ACIN1: variants seen among roughly 807,000 people sequenced by gnomAD.
ACIN1 encodes apoptotic chromatin condensation inducer 1.
ACIN1 carries 16 observed loss-of-function variants against 146.6 expected under a neutral mutation model. That is an observed-to-expected ratio of 0.11 (90% CI 0.07 to 0.17). The LOEUF is 0.17. Among genes scored for constraint, ACIN1 ranks in the 10% least tolerant of loss-of-function variants. The probability of loss-of-function intolerance (pLI) is 1.00; values close to 1 mark genes in which losing one functional copy is unlikely to be tolerated. For missense variants in ACIN1, 1,357 were observed against 1,609.3 expected (o/e 0.84, Z 2.68); for synonymous variants, 569 against 582.7 (o/e 0.98, Z 0.34).
Position 23,068,464 on chromosome 14 carries a change from C to T in ACIN1, c.2265+1012G>A, listed in dbSNP as rs2047524587. Reference sequence around the variant, plus strand: ...TCCAGAACAGTGTTCTTCTTGGCCCCCTGATGTAAGCAAGACAGGGAGGCA... The same window carrying T: ...TCCAGAACAGTGTTCTTCTTGGCCCTCTGATGTAAGCAAGACAGGGAGGCA... On this transcript the variant is annotated intron_variant, in intron 9 of 18. Coordinates refer to ENST00000605057, the MANE Select transcript of ACIN1 (RefSeq NM_001386863.1). This position sits in a 1 kb window ranked among gnomAD's most constrained non-coding sequence, Gnocchi z 4.3. 1 of 985,866 alleles carries T rather than the reference C, an allele frequency of 1.0e-6. No homozygotes were observed. The highest frequency in any genetic ancestry group is 1.2e-6 in the Non-Finnish European group (1 of 829,960). 61.1% of individuals were successfully genotyped at this position (985,866 alleles called of 1,614,324 possible). A position where few individuals can be genotyped will look rare whatever the true frequency, so the allele number is the denominator to read the frequency against.
At chr14:23,090,769 T>C in intron 2 of ACIN1, 136 bp from the exon 3 acceptor site, 1 of 600,124 alleles carries the variant, frequency 1.7e-6, no homozygotes, top group East Asian at 2.8e-5. Context: ...AAGGCTTTTT[T>C]CTAAGTTAGT....
chr14:23,084,149 G>A (rs749831825), intron 4 of ACIN1, among the ~76,000 whole-genome samples: 3 of 152,082 alleles, frequency 2.0e-5, no homozygotes, highest in Non-Finnish European at 2.9e-5. Context: ...GTTTTGCCAC[G>A]TTGGCCAGGC....
chr14:23,072,678 G>A (rs575145404), intron 8 of ACIN1, among the ~76,000 whole-genome samples: 68 of 152,312 alleles, frequency 4.5e-4, no homozygotes, highest in Admixed American at 7.8e-4. Flanking sequence ...TCAGTGTCTC[G>A]TGTAACATTT....
Position 23,064,394 on chromosome 14 carries a change from C to G in ACIN1, c.2403G>C (p.Gln801His). 1.9e-6 allele frequency: 3 copies of G among 1,614,276 alleles called. No homozygotes were observed. Among genetic ancestry groups the G allele is most frequent in the Non-Finnish European group, 2.5e-6 (3 of 1,180,054 alleles). The change falls in exon 11 of 19, where the codon CAG (glutamine) becomes CAC (histidine). Residue 801 changes from glutamine to histidine, a missense_variant. Physicochemically the swap from Gln to His is conservative, Grantham distance 24. Transcript: ENST00000605057. ...TGGTGATACTGATGGAAGGTTTCTT[C>G]TGTGTGGTGGCTGTGCTGGCTCCCC... ...RRWGASTATTQKKPSISITTE... is the reference protein window; with the variant it reads ...RRWGASTATTHKKPSISITTE...
intron 8 of ACIN1, among the ~76,000 whole-genome samples, chr14:23,075,709 ATT>A (rs763083144): frequency 1.4e-5 from 2 of 144,830 alleles, no homozygotes; most frequent in African/African-American, 2.5e-5. Context: ...GGTCTTTTCC[ATT>A]TTTTTTTTTT....
intron 8 of ACIN1, 35 bp from the exon 9 acceptor site, chr14:23,069,652 G>GGGGGGGGGGGGGCCGGC: frequency 6.9e-6 from 4 of 577,974 alleles, no homozygotes; most frequent in South Asian, 1.5e-5. Flanking sequence ...GGGGGGGCGG[G>GGGGGGGGGGGGGCCGGC]CAGAAAAGAA....
chr14:23,083,127 T>A (rs1232978874), intron 4 of ACIN1, among the ~76,000 whole-genome samples: 1 of 151,596 alleles, frequency 6.6e-6, no homozygotes, highest in African/African-American at 2.4e-5. Context: ...GAACAATAAA[T>A]CCATGTAAAA....
At chr14:23,090,294 A>T (rs1459108258) in intron 3 of ACIN1, among the ~76,000 whole-genome samples, 193 bp from the exon 4 acceptor site, 1 of 152,090 alleles carries the variant, frequency 6.6e-6, no homozygotes, top group African/African-American at 2.4e-5. Context: ...TTTACTTATA[A>T]CTCTTCCTGT....
intron 3 of ACIN1, 69 bp from the exon 4 acceptor site, chr14:23,090,170 A>C: frequency 1.3e-6 from 2 of 1,555,022 alleles, no homozygotes; most frequent in South Asian, 2.4e-5. Flanking sequence ...TATGTAGAGG[A>C]GTGAAGGAGG....
chr14:23,091,359 G>A (rs2048221404), intron 2 of ACIN1, among the ~76,000 whole-genome samples: 2 of 151,998 alleles, frequency 1.3e-5, no homozygotes, highest in African/African-American at 4.8e-5. Context: ...AGTACTTTGG[G>A]AGGCTGAAGT....
chr14:23,095,236 CAG>C (rs778741839), upstream of ACIN1: 5 of 1,611,144 alleles, frequency 3.1e-6, no homozygotes, highest in Middle Eastern at 1.6e-4. Flanking sequence ...GATTACCACT[CAG>C]AACTCCCCGG....
chr14:23,062,967 G>T lies in ACIN1; in HGVS notation c.2845C>A (p.Arg949=). 6.2e-7 allele frequency: 1 copy of T among 1,611,984 alleles called. No homozygotes were observed. Among genetic ancestry groups the T allele is most frequent in the Non-Finnish European group, 8.5e-7 (1 of 1,179,408 alleles). ...VRTAQVPSPP[R]GKISNIVHIS... ...TGGACAATGTTGCTAATCTTGCCCC[G>T]GGGTGGGGAGGGCACCTGGGCAGTT... Residue 949 remains arginine, a synonymous_variant, in exon 14 of 19, where the codon CGG becomes AGG. Transcript: ENST00000605057.
intron 4 of ACIN1, among the ~76,000 whole-genome samples, chr14:23,085,825 A>C (rs543938964): frequency 6.6e-6 from 1 of 152,330 alleles, no homozygotes; most frequent in African/African-American, 2.4e-5. Flanking sequence ...GCTTTAGCTA[A>C]GGGTGGAGCT....
At chr14:23,062,313 G>A in intron 15 of ACIN1, 38 bp from the exon 16 acceptor site, 1 of 1,595,148 alleles carries the variant, frequency 6.3e-7, no homozygotes, top group African/African-American at 1.3e-5. Context: ...GTCACAGTGT[G>A]TCTGCAACCC....
chr14:23,068,431 C>G lies in ACIN1; in HGVS notation c.2265+1045G>C. On this transcript the variant is annotated intron_variant, in intron 9 of 18. Transcript: ENST00000605057. The surrounding 1 kb of genome is among the most constrained non-coding windows in gnomAD (Gnocchi z 4.3). Reference sequence around the variant, plus strand: ...CCAAATGTTTTTTGCTTGCTCAATACAAGTCTCTCCAGAACAGTGTTCTTC... The same window carrying G: ...CCAAATGTTTTTTGCTTGCTCAATAGAAGTCTCTCCAGAACAGTGTTCTTC... 2 of 985,942 alleles carry G rather than the reference C, an allele frequency of 2.0e-6. No homozygotes were observed. The highest frequency in any genetic ancestry group is 9.4e-5 in the South Asian group (2 of 21,290). The allele number at this position is 985,942 out of a possible 1,614,324, so 61.1% of individuals were successfully genotyped here. A position where few individuals can be genotyped will look rare whatever the true frequency, so the allele number is the denominator to read the frequency against.
intron 1 of ACIN1, chr14:23,094,655 A>G: frequency 1.3e-6 from 1 of 791,962 alleles, no homozygotes; most frequent in Non-Finnish European, 1.8e-6. Flanking sequence ...GTGGGATTTA[A>G]CTCCTTCTGC....
upstream of ACIN1, chr14:23,095,324 C>T (rs1275515027): frequency 2.6e-6 from 4 of 1,559,750 alleles, no homozygotes; most frequent in South Asian, 3.5e-5. Context: ...CCTGCAGCGC[C>T]CCTTTTCTCG....
chr14:23,066,713 A>G (rs2047468665), intron 9 of ACIN1, among the ~76,000 whole-genome samples: 1 of 152,196 alleles, frequency 6.6e-6, no homozygotes, highest in African/African-American at 2.4e-5. Flanking sequence ...GATTGTCCCC[A>G]AGGAGATCCT....
At chr14:23,059,505 GCAGCT>G in intron 18 of ACIN1, 31 bp from the exon 19 acceptor site, 1 of 1,577,790 alleles carries the variant, frequency 6.3e-7, no homozygotes, top group South Asian at 1.1e-5. Context: ...CAGAGAATAG[GCAGCT>G]CAGTCCTGGT....
Sources: gnomAD v4.1 joint callset for allele counts (sites outside exome capture counted in the v4.1 genomes callset) on GRCh38, gnomAD v4.1.1 for gene constraint, Gnocchi (gnomAD v3.1) non-coding constraint, MANE v1.5 for transcripts, NCBI Gene and HGNC (gene_info 2026-07-23, HGNC 2026-07-21) for gene names.